MFSD2A: variants seen among roughly 807,000 people sequenced by gnomAD.
MFSD2A encodes sodium-dependent lysophosphatidylcholine symporter 1.
Under a neutral mutation model 64.7 loss-of-function variants are expected in MFSD2A, and 27 were observed. That is an observed-to-expected ratio of 0.42 (90% CI 0.31 to 0.58). MFSD2A has a LOEUF of 0.58. Ranked by LOEUF, MFSD2A falls within the 20% of genes least tolerant of loss-of-function variation. The probability of loss-of-function intolerance (pLI) is 0.18; values close to 1 mark genes in which losing one functional copy is unlikely to be tolerated. For missense variants in MFSD2A, 474 were observed against 679.5 expected (o/e 0.70, Z 3.36); for synonymous variants, 258 against 273.4 (o/e 0.94, Z 0.55).
Position 39,965,435 on chromosome 1 carries a change from C to A in MFSD2A, c.478-36C>A. The A allele has an allele frequency of 1.2e-6, 2 of 1,613,524 alleles. No homozygotes were observed. Among genetic ancestry groups the A allele is most frequent in the Non-Finnish European group, 1.7e-6 (2 of 1,179,598 alleles). ...CTGGAAGCTACATCAGTGTGTCCAC[C>A]CGCCTGACCAGCCAATGACCTGTCT... On this transcript the variant is annotated intron_variant, in intron 4 of 13. Transcript: ENST00000372811. This position sits in a 1 kb window ranked among gnomAD's most constrained non-coding sequence, Gnocchi z 5.5.
In MFSD2A at chr1:39,964,349, T is replaced by C. The variant is rs1557635326; in HGVS notation, c.354-862T>C. 1 of 152,226 alleles carries C rather than the reference T, an allele frequency of 6.6e-6. No homozygotes were observed. The highest frequency in any genetic ancestry group is 2.4e-5 in the African/African-American group (1 of 41,472). 9.4% of individuals were successfully genotyped at this position (152,226 alleles called of 1,614,324 possible). A position where few individuals can be genotyped will look rare whatever the true frequency, so the allele number is the denominator to read the frequency against. On this transcript the variant is annotated intron_variant, in intron 3 of 13. Transcript: ENST00000372811. The surrounding 1 kb of genome is among the most constrained non-coding windows in gnomAD (Gnocchi z 4.1). ...GCGCCCAGCCCATAGCTGGAACTTA[T>C]GAGGAAATGAGGAAACGAGCTTCAG... is the stretch of plus-strand genomic sequence containing the variant.
chr1:39,955,955 T>C lies in MFSD2A; in HGVS notation c.93+570T>C. On this transcript the variant is annotated intron_variant, in intron 1 of 13. Transcript: ENST00000372811. This position sits in a 1 kb window ranked among gnomAD's most constrained non-coding sequence, Gnocchi z 5.9. Reference sequence around the variant, plus strand: ...CCACATCCCCAGCCCTGGGGACTTATTGAAGGACCAAATAAAATGAGGCGG... The same window carrying C: ...CCACATCCCCAGCCCTGGGGACTTACTGAAGGACCAAATAAAATGAGGCGG... 5.7e-6 allele frequency: 1 copy of C among 174,680 alleles called. No homozygotes were observed. The highest frequency in any genetic ancestry group is 9.3e-5 in the South Asian group (1 of 10,744). 10.8% of individuals were successfully genotyped at this position (174,680 alleles called of 1,614,324 possible). A position where few individuals can be genotyped will look rare whatever the true frequency, so the allele number is the denominator to read the frequency against.
Position 39,960,180 on chromosome 1 carries a change from A to G in MFSD2A, c.353+1355A>G, listed in dbSNP as rs1645004491. Among the ~76,000 whole-genome samples the G allele has an allele frequency of 6.6e-6, 1 of 152,210 alleles. No individual in the cohort carries two copies. On this transcript the variant is annotated intron_variant, in intron 3 of 13. Transcript: ENST00000372811. This position sits in a 1 kb window ranked among gnomAD's most constrained non-coding sequence, Gnocchi z 4.8. ...AGACGGCAGGGGAGACGCACAGGAT[A>G]GGCTGTCAGGCGGGGGCTCTGGTTC...
At position 39,964,174 on chromosome 1, in the gene MFSD2A, G is replaced by A. The variant is rs1352500213; in HGVS notation, c.354-1037G>A. ...GTCTACAAGGTTCATCTATGTTGTA[G>A]CATGTGTCAGAATTTTATTCCTTAT... On this transcript the variant is annotated intron_variant, in intron 3 of 13. Coordinates refer to ENST00000372811, the MANE Select transcript of MFSD2A (RefSeq NM_032793.5). This position sits in a 1 kb window ranked among gnomAD's most constrained non-coding sequence, Gnocchi z 4.1. The A allele has an allele frequency of 6.6e-6, 1 of 152,320 alleles. No individual in the cohort carries two copies. The highest frequency in any genetic ancestry group is 2.4e-5 in the African/African-American group (1 of 41,452). The allele number at this position is 152,320 out of a possible 1,614,324, so 9.4% of individuals were successfully genotyped here. A position where few individuals can be genotyped will look rare whatever the true frequency, so the allele number is the denominator to read the frequency against.
chr1:39,955,407 T>C lies in MFSD2A; in HGVS notation c.93+22T>C. On this transcript the variant is annotated intron_variant, in intron 1 of 13. Transcript: ENST00000372811. The surrounding 1 kb of genome is among the most constrained non-coding windows in gnomAD (Gnocchi z 5.9). ...GAAGGTGAGGGCCCGGCACCCCGCGTGGAGGGCGAGGGGAGGGAGGAGGCG... is the reference window on the plus strand; with the variant it reads ...GAAGGTGAGGGCCCGGCACCCCGCGCGGAGGGCGAGGGGAGGGAGGAGGCG... 1 of 1,505,748 alleles carries C rather than the reference T, an allele frequency of 6.6e-7. No individual in the cohort carries two copies. Among genetic ancestry groups the C allele is most frequent in the South Asian group, 1.3e-5 (1 of 75,962 alleles). 93.3% of individuals were successfully genotyped at this position (1,505,748 alleles called of 1,614,324 possible).
Position 39,967,189 on chromosome 1 carries a change from G to T in MFSD2A, c.1011+20G>T. The T allele has an allele frequency of 6.2e-7, 1 of 1,610,542 alleles. No individual in the cohort carries two copies. Among genetic ancestry groups the T allele is most frequent in the South Asian group, 1.1e-5 (1 of 90,888 alleles). On this transcript the variant is annotated intron_variant, in intron 9 of 13. Transcript: ENST00000372811. ...ATCATGGTGAGTGGGACCTGAGCAG[G>T]GGCGGGCAGCCTGGGCTGAGGTGAC...
In MFSD2A at chr1:39,958,915, G is replaced by A; in HGVS notation, c.353+90G>A. 2 of 1,433,214 alleles carry A rather than the reference G, an allele frequency of 1.4e-6. No homozygotes were observed. The highest frequency in any genetic ancestry group is 2.7e-5 in the South Asian group (2 of 73,232). The allele number at this position is 1,433,214 out of a possible 1,614,324, so 88.8% of individuals were successfully genotyped here. On this transcript the variant is annotated intron_variant, in intron 3 of 13. Coordinates refer to ENST00000372811, the MANE Select transcript of MFSD2A (RefSeq NM_032793.5). This position sits in a 1 kb window ranked among gnomAD's most constrained non-coding sequence, Gnocchi z 4.7. Reference sequence around the variant, plus strand: ...CCTTCTCTCTGTCTTGTCACAGGCAGAAGGGTGAGGAGAAGGAAGGAGTTA... The same window carrying A: ...CCTTCTCTCTGTCTTGTCACAGGCAAAAGGGTGAGGAGAAGGAAGGAGTTA...
chr1:39,956,465 G>A (rs1039412312), intron 1 of MFSD2A, among the ~76,000 whole-genome samples: 3 of 152,196 alleles, frequency 2.0e-5, no homozygotes, highest in African/African-American at 7.2e-5. Context: ...GGATTTTCAG[G>A]TTGTGGCAGC....
In MFSD2A at chr1:39,958,328, C is replaced by G. The variant is rs1015474186; in HGVS notation, c.229-373C>G. Among the ~76,000 whole-genome samples, 13 of 152,242 alleles carry G rather than the reference C, an allele frequency of 8.5e-5. No homozygotes were observed. Among genetic ancestry groups the G allele is most frequent in the Non-Finnish European group, 1.9e-4 (13 of 68,036 alleles). ...CATTATACAGATGGGAACACTGAAG[C>G]ACACTGTGTTCACCCCGTGAATGCT... On this transcript the variant is annotated intron_variant, in intron 2 of 13. Coordinates refer to ENST00000372811, the MANE Select transcript of MFSD2A (RefSeq NM_032793.5). This position sits in a 1 kb window ranked among gnomAD's most constrained non-coding sequence, Gnocchi z 4.7.
chr1:39,955,700 A>AACCACAGAGATG lies in MFSD2A; in HGVS notation c.93+318_93+319insACAGAGATGACC. 1 of 589,358 alleles carries AACCACAGAGATG rather than the reference A, an allele frequency of 1.7e-6. No individual in the cohort carries two copies. The highest frequency in any genetic ancestry group is 3.2e-6 in the Non-Finnish European group (1 of 313,124). 36.5% of individuals were successfully genotyped at this position (589,358 alleles called of 1,614,324 possible). On this transcript the variant is annotated intron_variant, in intron 1 of 13. Coordinates refer to ENST00000372811, the MANE Select transcript of MFSD2A (RefSeq NM_032793.5). This position sits in a 1 kb window ranked among gnomAD's most constrained non-coding sequence, Gnocchi z 5.9. ...TGAGCGGCTGGGGCTTGCCGCCCCA[A>AACCACAGAGATG]ACCCCAGAGATGACCCCAGAAATCT...
intron 3 of MFSD2A, chr1:39,962,748 C>T (rs947242125): frequency 1.4e-5 from 12 of 885,138 alleles, no homozygotes; most frequent in African/African-American, 1.1e-4. Context: ...CAAGCTGGGC[C>T]GCTTGGTGAA....
chr1:39,968,188 G>A lies in MFSD2A; in HGVS notation c.1209-146G>A, dbSNP rs2124781487. 1.1e-6 allele frequency: 1 copy of A among 947,216 alleles called. No homozygotes were observed. Among genetic ancestry groups the A allele is most frequent in the East Asian group, 2.6e-5 (1 of 38,564 alleles). The allele number at this position is 947,216 out of a possible 1,614,324, so 58.7% of individuals were successfully genotyped here. On this transcript the variant is annotated intron_variant, in intron 11 of 13. Transcript: ENST00000372811. The surrounding 1 kb of genome is among the most constrained non-coding windows in gnomAD (Gnocchi z 4.4). ...AGGGTTACTTCCTCTTAGAGCAAGAGGCCTTTTCTTATTCATGTGAAGGTC... is the reference window on the plus strand; with the variant it reads ...AGGGTTACTTCCTCTTAGAGCAAGAAGCCTTTTCTTATTCATGTGAAGGTC...
chr1:39,966,153 T>A, intron 6 of MFSD2A, 139 bp downstream of exon 6: 1 of 990,988 alleles, frequency 1.0e-6, no homozygotes, highest in Middle Eastern at 3.0e-4. Flanking sequence ...ATGCACCCAA[T>A]ATACCTACTT....
rs778157440 is a variant in MFSD2A at position 39,966,006 on chromosome 1, A to G, written c.706A>G (p.Arg236Gly). 4.3e-6 allele frequency: 7 copies of G among 1,614,036 alleles called. No homozygotes were observed. The African/African-American group carries it at 8.0e-5, about 18-fold the overall frequency. The change falls in exon 6 of 14, where the codon AGG (arginine) becomes GGG (glycine). Residue 236 changes from arginine (R) to glycine (G), a missense_variant. By Grantham distance (125) the Arg-to-Gly change is moderately radical. Transcript: ENST00000372811. The part of the protein sequence containing the change: ...ANHTHGTTSH[R>G]ETQKAYLLAA... ...CCATACACATGGCACCACCTCACACAGGGAAACGGTGAGGCCCTGGGCAGG... is the reference window on the plus strand; with the variant it reads ...CCATACACATGGCACCACCTCACACGGGGAAACGGTGAGGCCCTGGGCAGG...
Position 39,969,849 on chromosome 1 carries a change from T to G in MFSD2A, c.*281T>G. On this transcript the variant is annotated 3_prime_UTR_variant, in exon 14 of 14. Transcript: ENST00000372811. Reference sequence around the variant, plus strand: ...GAACACTAATGTAGAAACCTTTTTTTTTACAGAGCCTAATTAATAACTTAA... The same window carrying G: ...GAACACTAATGTAGAAACCTTTTTTGTTACAGAGCCTAATTAATAACTTAA... The G allele has an allele frequency of 2.1e-6, 1 of 481,598 alleles. No individual in the cohort carries two copies. 29.8% of individuals were successfully genotyped at this position (481,598 alleles called of 1,614,324 possible).
chr1:39,957,526 C>A (rs747150448), intron 2 of MFSD2A, among the ~76,000 whole-genome samples: 3 of 152,182 alleles, frequency 2.0e-5, no homozygotes, highest in Admixed American at 6.5e-5. Context: ...GGATGCTGTT[C>A]TTAGAAGAGA....
At chr1:39,961,706 C>A (rs752022865) in intron 3 of MFSD2A, among the ~76,000 whole-genome samples, 21 of 151,628 alleles carry the variant, frequency 1.4e-4, no homozygotes, top group Non-Finnish European at 2.9e-4. Flanking sequence ...GAGATGGGGT[C>A]TTGTTATGTT....
rs76041604 is a variant in MFSD2A, at chr1:39,960,357, G to A, written c.353+1532G>A. On this transcript the variant is annotated intron_variant, in intron 3 of 13. Coordinates refer to ENST00000372811, the MANE Select transcript of MFSD2A (RefSeq NM_032793.5). This position sits in a 1 kb window ranked among gnomAD's most constrained non-coding sequence, Gnocchi z 4.8. ...TCCCGCAACCCCTTCCCCCACTACA[G>A]CTTCCTTTCCCACGAGGCCCCCCAC... 0.022 allele frequency among the ~76,000 whole-genome samples: 3,393 copies of A among 152,304 alleles called. 123 individuals carry two copies. The highest frequency in any genetic ancestry group is 0.076 in the African/African-American group (3,176 of 41,576).
Position 39,955,464 on chromosome 1 carries a change from G to A in MFSD2A, c.93+79G>A. ...GGGGATCAGGGGCGTCCCGGGGTCG[G>A]CCTGGTCAGGGGACCATTGGGATAG... On this transcript the variant is annotated intron_variant, in intron 1 of 13. Coordinates refer to ENST00000372811, the MANE Select transcript of MFSD2A (RefSeq NM_032793.5). This position sits in a 1 kb window ranked among gnomAD's most constrained non-coding sequence, Gnocchi z 5.9. 1.4e-6 allele frequency: 2 copies of A among 1,407,932 alleles called. No individual in the cohort carries two copies. The highest frequency in any genetic ancestry group is 9.7e-7 in the Non-Finnish European group (1 of 1,029,714). The allele number at this position is 1,407,932 out of a possible 1,614,324, so 87.2% of individuals were successfully genotyped here. A position where few individuals can be genotyped will look rare whatever the true frequency, so the allele number is the denominator to read the frequency against.
Sources: gnomAD v4.1 joint callset for allele counts (sites outside exome capture counted in the v4.1 genomes callset) on GRCh38, gnomAD v4.1.1 for gene constraint, Gnocchi (gnomAD v3.1) non-coding constraint, MANE v1.5 for transcripts, NCBI Gene and HGNC (gene_info 2026-07-23, HGNC 2026-07-21) for gene names.